The following OR4F5 variants were observed in gnomAD, a reference collection of about 807,000 sequenced individuals.
The protein encoded by OR4F5 is olfactory receptor 4F5.
In OR4F5, 1 loss-of-function variant was observed where a neutral mutation model predicts 5.8. The ratio of observed to expected loss-of-function variants is 0.17; its 90% confidence interval spans 0.06 to 0.82. The LOEUF (loss-of-function observed/expected upper bound fraction) is 0.82, where lower values mean the gene tolerates loss of function less well. Ranked by LOEUF, OR4F5 falls within the 40% of genes least tolerant of loss-of-function variation. OR4F5 has a pLI of 0.72. For missense variants in OR4F5, 47 were observed against 175.5 expected, an observed-to-expected ratio of 0.27 and a Z score of 4.14; for synonymous variants, 18 against 63.7, an observed-to-expected ratio of 0.28 and a Z score of 3.42.
At position 69,429 on chromosome 1, in the gene OR4F5, T is replaced by C; in HGVS notation, c.402T>C (p.Phe134=). Residue 134 remains phenylalanine (F), a synonymous_variant, in exon 3 of 3, where the codon TTT becomes TTC. Coordinates refer to ENST00000641515, the MANE Select transcript of OR4F5 (RefSeq NM_001005484.2). ...SEMVILIAMG[F]DRYIAICKPL... ...TGGTGATCCTCATAGCCATGGGCTT[T>C]GACAGATATATAGCAATATGCAAGC... is the stretch of plus-strand genomic sequence containing the variant. The C allele has an allele frequency of 9.8e-7, 1 of 1,023,776 alleles. No homozygotes were observed. Among genetic ancestry groups the C allele is most frequent in the Non-Finnish European group, 1.4e-6 (1 of 740,058 alleles). The allele number at this position is 1,023,776 out of a possible 1,614,324, so 63.4% of individuals were successfully genotyped here.
At chr1:66,442 T>TATA (rs1553122181) in intron 2 of OR4F5, among the ~76,000 whole-genome samples, 8 of 25,960 alleles carry the variant, frequency 3.1e-4, no homozygotes, top group East Asian at 1.1e-3. Flanking sequence ...TATATTATAT[T>TATA]ATATAATATA....
In OR4F5 at chr1:67,126, A is replaced by G. The variant is rs532005456; in HGVS notation, c.9+1553A>G. Among the ~76,000 whole-genome samples the G allele has an allele frequency of 7.0e-5, 8 of 114,922 alleles. 1 individual carries two copies. In the South Asian group the frequency reaches 1.8e-3, roughly 26 times the overall value. 75.4% of individuals were successfully genotyped at this position (114,922 alleles called of 152,430 possible). A position where few individuals can be genotyped will look rare whatever the true frequency, so the allele number is the denominator to read the frequency against. On this transcript the variant is annotated intron_variant, in intron 2 of 2. Transcript: ENST00000641515. ...TTCTAAATTGCACACTTTGATTCAA[A>G]AGAAACAGTCCAACCAACCAGTCAG...
rs1639993263 is a variant in OR4F5, at chr1:70,944, TA to T, written c.*937del. 1 of 64,064 alleles carries T rather than the reference TA, an allele frequency of 1.6e-5. No individual in the cohort carries two copies. Among genetic ancestry groups the T allele is most frequent in the African/African-American group, 4.2e-5 (1 of 23,710 alleles). 4.0% of individuals were successfully genotyped at this position (64,064 alleles called of 1,614,324 possible). ...AGACATATTAAGCATGAATAAACAT[TA>T]GATACTATTAAAATCCTATATATTA... On this transcript the variant is annotated 3_prime_UTR_variant, in exon 3 of 3. Transcript: ENST00000641515.
intron 2 of OR4F5, among the ~76,000 whole-genome samples, chr1:66,472 TATTA>T (rs1639946406): frequency 1.2e-5 from 1 of 81,604 alleles, no homozygotes; most frequent in Non-Finnish European, 2.5e-5. Flanking sequence ...ATATAATATA[TATTA>T]TATATTTATA....
At chr1:66,605 T>A (rs1326215700) in intron 2 of OR4F5, among the ~76,000 whole-genome samples, 178 of 91,426 alleles carry the variant, frequency 1.9e-3, no homozygotes, top group East Asian at 7.1e-3. Flanking sequence ...TATTTATATA[T>A]TATATAAATA....
At chr1:66,245 T>A (rs1348748429) in intron 2 of OR4F5, among the ~76,000 whole-genome samples, 1 of 31,848 alleles carries the variant, frequency 3.1e-5, no homozygotes, top group African/African-American at 1.4e-4. Context: ...ATATATTATA[T>A]TATATAATAT....
At position 66,461 on chromosome 1, in the gene OR4F5, T is replaced by A. The variant is rs537764868; in HGVS notation, c.9+888T>A. 7.5e-3 allele frequency among the ~76,000 whole-genome samples: 571 copies of A among 76,462 alleles called. 19 individuals carry two copies. Among genetic ancestry groups the A allele is most frequent in the African/African-American group, 0.022 (538 of 23,924 alleles). 50.2% of individuals were successfully genotyped at this position (76,462 alleles called of 152,430 possible). ...TTATATTATATAATATATATTTTATTATATAATATATATTATATATTTATA... is the reference window on the plus strand; with the variant it reads ...TTATATTATATAATATATATTTTATAATATAATATATATTATATATTTATA... On this transcript the variant is annotated intron_variant, in intron 2 of 2. Transcript: ENST00000641515.
At chr1:67,298 T>C (rs1230806144) in intron 2 of OR4F5, among the ~76,000 whole-genome samples, 1 of 112,378 alleles carries the variant, frequency 8.9e-6, no homozygotes, top group Non-Finnish European at 2.2e-5. Context: ...TTCTTAAAAA[T>C]ATTTAAGATC....
intron 2 of OR4F5, among the ~76,000 whole-genome samples, chr1:66,382 A>T (rs1639942806): frequency 1.4e-5 from 1 of 70,454 alleles, no homozygotes. Flanking sequence ...TATATAAATT[A>T]TATAATATAA....
intron 2 of OR4F5, among the ~76,000 whole-genome samples, chr1:66,364 A>T (rs1639941345): frequency 8.4e-5 from 1 of 11,874 alleles, no homozygotes; most frequent in Non-Finnish European, 2.6e-4. Context: ...TATATTATAT[A>T]AATATAATAT....
At chr1:68,123 G>A (rs1401063478) in intron 2 of OR4F5, among the ~76,000 whole-genome samples, 1 of 44,760 alleles carries the variant, frequency 2.2e-5, no homozygotes, top group African/African-American at 4.7e-5. Flanking sequence ...AGATGTGGCC[G>A]TAAGACTGAA....
chr1:66,338 A>AT (rs1482936566), intron 2 of OR4F5, among the ~76,000 whole-genome samples: 10 of 36,294 alleles, frequency 2.8e-4, no homozygotes, highest in African/African-American at 6.6e-4. Flanking sequence ...TATATATTTT[A>AT]TTATATAATA....
chr1:66,288 A>AAC (rs1639938455), intron 2 of OR4F5, among the ~76,000 whole-genome samples: 2 of 32,632 alleles, frequency 6.1e-5, no homozygotes, highest in African/African-American at 2.1e-4. Flanking sequence ...TATATTATAT[A>AAC]ATATATAATA....
chr1:66,190 AT>A (rs1389131296), intron 2 of OR4F5, among the ~76,000 whole-genome samples: 3 of 90,082 alleles, frequency 3.3e-5, no homozygotes, highest in African/African-American at 1.0e-4. Context: ...TATACTATAT[AT>A]TTATATATAT....
At chr1:66,349 TA>T (rs1557435450) in intron 2 of OR4F5, among the ~76,000 whole-genome samples, 1,936 of 47,100 alleles carry the variant, frequency 0.041, 128 homozygotes, top group Non-Finnish European at 0.084. Flanking sequence ...TTATATAATA[TA>T]ATATATATTA....
intron 2 of OR4F5, among the ~76,000 whole-genome samples, chr1:66,687 C>A (rs1164375975): frequency 8.6e-6 from 1 of 116,364 alleles, no homozygotes; most frequent in African/African-American, 2.7e-5. Flanking sequence ...TACCTGTCAA[C>A]AGTGGCTGGC....
In OR4F5 at chr1:70,547, A is replaced by T. The variant is rs1448124860; in HGVS notation, c.*539A>T. ...ACCCAGAATCCATGAGGGCATTATC[A>T]GGAGTGAGTGGAAGAGTAAGTTTGC... On this transcript the variant is annotated 3_prime_UTR_variant, in exon 3 of 3. Transcript: ENST00000641515. The T allele has an allele frequency of 1.0e-5, 1 of 98,326 alleles. No homozygotes were observed. Among genetic ancestry groups the T allele is most frequent in the African/African-American group, 3.2e-5 (1 of 30,808 alleles). 6.1% of individuals were successfully genotyped at this position (98,326 alleles called of 1,614,324 possible).
At chr1:66,717 G>C (rs1232134813) in intron 2 of OR4F5, among the ~76,000 whole-genome samples, 1 of 117,620 alleles carries the variant, frequency 8.5e-6, no homozygotes, top group African/African-American at 2.7e-5. Flanking sequence ...TTGCTACAAT[G>C]AGTGTGTAAG....
At chr1:66,432 T>TATA (rs1252509813) in intron 2 of OR4F5, among the ~76,000 whole-genome samples, 54 of 51,610 alleles carry the variant, frequency 1.0e-3, no homozygotes, top group Non-Finnish European at 1.2e-3. Context: ...TATATAAATA[T>TATA]ATATTATATT....
Sources: gnomAD v4.1 joint callset for allele counts (sites outside exome capture counted in the v4.1 genomes callset) on GRCh38, gnomAD v4.1.1 for gene constraint, MANE v1.5 for transcripts, NCBI Gene and HGNC (gene_info 2026-07-23, HGNC 2026-07-21) for gene names.